Variants in RPL13A observed in about 807,000 individuals in gnomAD.
RPL13A encodes the protein ribosomal protein L13a.
Under a neutral mutation model 30.8 loss-of-function variants are expected in RPL13A, and 4 were observed. That is an observed-to-expected ratio of 0.13 (90% CI 0.06 to 0.30). The LOEUF (loss-of-function observed/expected upper bound fraction) is 0.30, where lower values mean the gene tolerates loss of function less well. Ranked by LOEUF, RPL13A falls within the 10% of genes least tolerant of loss-of-function variation. The pLI, the probability that RPL13A is intolerant of heterozygous loss-of-function variation, is 1.00. For missense variants in RPL13A, 196 were observed against 272.6 expected, an observed-to-expected ratio of 0.72 and a Z score of 1.98; for synonymous variants, 108 against 104.2, an observed-to-expected ratio of 1.04 and a Z score of -0.22.
intron 2 of RPL13A, 56 bp downstream of exon 2, chr19:49,489,978 A>G (rs1736450991): frequency 7.4e-7 from 1 of 1,348,882 alleles, no homozygotes; most frequent in Non-Finnish European, 1.1e-6. Context: ...GTCAGTGATG[A>G]GCAACATTCA....
At chr19:49,491,379 T>C in intron 6 of RPL13A, 46 bp from the exon 7 acceptor site, 1 of 1,384,464 alleles carries the variant, frequency 7.2e-7, no homozygotes, top group South Asian at 1.2e-5. Context: ...GGGGCTTAGA[T>C]ATCCTTACAA....
chr19:49,490,601 G>C, intron 4 of RPL13A, 25 bp downstream of exon 4: 1 of 1,611,168 alleles, frequency 6.2e-7, no homozygotes, highest in Non-Finnish European at 8.5e-7. Flanking sequence ...GGGACTGCAG[G>C]TGGTGACGGG....
chr19:49,487,774 T>C, intron 1 of RPL13A, 130 bp downstream of exon 1: 1 of 994,596 alleles, frequency 1.0e-6, no homozygotes, highest in Non-Finnish European at 1.4e-6. Flanking sequence ...GGAAGTCTTT[T>C]GGGATAAGGG....
chr19:49,488,942 C>T (rs1262715904), intron 1 of RPL13A, among the ~76,000 whole-genome samples: 1 of 151,576 alleles, frequency 6.6e-6, no homozygotes, highest in East Asian at 1.9e-4. Context: ...CTGACCTCAA[C>T]TGATCTGCCC....
Position 49,487,649 on chromosome 19 carries a change from G to T in RPL13A, c.15+5G>T. The T allele has an allele frequency of 6.4e-7, 1 of 1,555,472 alleles. No individual in the cohort carries two copies. The highest frequency in any genetic ancestry group is 2.4e-5 in the East Asian group (1 of 41,346). ...CCGAAGATGGCGGAGGTGCAGGTATGGGCTCCGCGCGGGCCGGGGCGGCAA... is the reference window on the plus strand; with the variant it reads ...CCGAAGATGGCGGAGGTGCAGGTATTGGCTCCGCGCGGGCCGGGGCGGCAA... On this transcript the variant is annotated splice_donor_5th_base_variant and intron_variant, in intron 1 of 7. Transcript: ENST00000391857.
rs2079854846 is a variant in RPL13A at position 49,490,521 on chromosome 19, C to T, written c.201C>T (p.Ser67=). The change falls in exon 4 of 8, where the codon TCC becomes TCT. Residue 67 remains serine, a synonymous_variant. Transcript: ENST00000391857. ...GCAAGCGGATGAACACCAACCCTTC[C>T]CGAGGCCCCTACCACTTCCGGGCCC... ...FLRKRMNTNP[S]RGPYHFRAPS... The T allele has an allele frequency of 1.2e-6, 2 of 1,614,174 alleles. No homozygotes were observed. The highest frequency in any genetic ancestry group is 1.3e-5 in the African/African-American group (1 of 75,064).
intron 1 of RPL13A, among the ~76,000 whole-genome samples, chr19:49,487,940 C>G (rs2079823210): frequency 6.6e-6 from 1 of 151,934 alleles, no homozygotes; most frequent in Non-Finnish European, 1.5e-5. Flanking sequence ...GGTGGGGGCC[C>G]TGGGGTAGAG....
chr19:49,488,638 C>G (rs1039930236), intron 1 of RPL13A, among the ~76,000 whole-genome samples: 1 of 152,234 alleles, frequency 6.6e-6, no homozygotes, highest in African/African-American at 2.4e-5. Context: ...TTTGTACCAA[C>G]GCTTACAAAG....
At position 49,490,765 on chromosome 19, in the gene RPL13A, C is replaced by CTT; in HGVS notation, c.257-13_257-12insTT. The CTT allele has an allele frequency of 6.2e-7, 1 of 1,614,062 alleles. No individual in the cohort carries two copies. Among genetic ancestry groups the CTT allele is most frequent in the Non-Finnish European group, 8.5e-7 (1 of 1,179,936 alleles). On this transcript the variant is annotated splice_polypyrimidine_tract_variant and intron_variant, in intron 4 of 7. Transcript: ENST00000391857. ...GAGGCCCTCTGACTGGGCCTGCTAT[C>CTT]TGTCACCCAACAGGTATGCTGCCCC...
intron 6 of RPL13A, 99 bp downstream of exon 6, chr19:49,491,198 G>A (rs372752448): frequency 1.4e-4 from 203 of 1,409,572 alleles, no homozygotes; most frequent in Admixed American, 2.2e-4. Flanking sequence ...CTTATCTCAC[G>A]ATGGTCTGCG....
rs756597121 is a variant in RPL13A, at chr19:49,491,412, C to A, written c.403-13C>A. On this transcript the variant is annotated splice_polypyrimidine_tract_variant and intron_variant, in intron 6 of 7. Coordinates refer to ENST00000391857, the MANE Select transcript of RPL13A (RefSeq NM_012423.4). ...CAACTTCATTTGTTCACCCCCCCCC[C>A]CCCCCCCCGCAGTTTGCCTATCTGG... 3.7e-5 allele frequency: 30 copies of A among 800,852 alleles called. No individual in the cohort carries two copies. In the Admixed American group the frequency reaches 4.4e-4, roughly 12 times the overall value. The allele number at this position is 800,852 out of a possible 1,614,324, so 49.6% of individuals were successfully genotyped here. A position where few individuals can be genotyped will look rare whatever the true frequency, so the allele number is the denominator to read the frequency against.
intron 1 of RPL13A, among the ~76,000 whole-genome samples, chr19:49,487,932 T>TG (rs1601157348): frequency 6.6e-6 from 1 of 151,690 alleles, no homozygotes; most frequent in Admixed American, 6.6e-5. Context: ...GGGTAGTGGG[T>TG]GGGGGCCCTG....
Position 49,492,144 on chromosome 19 carries a change from T to C in RPL13A, c.*329T>C, listed in dbSNP as rs757751691. 175 of 280,720 alleles carry C rather than the reference T, an allele frequency of 6.2e-4. No homozygotes were observed. The Middle Eastern group carries it at 9.5e-3, about 15-fold the overall frequency. 17.4% of individuals were successfully genotyped at this position (280,720 alleles called of 1,614,324 possible). A position where few individuals can be genotyped will look rare whatever the true frequency, so the allele number is the denominator to read the frequency against. On this transcript the variant is annotated 3_prime_UTR_variant, in exon 8 of 8. Transcript: ENST00000391857. ...TCCACCTGGTCATATACTCTGCAGC[T>C]GTTAGAATGTGCAAGCACTTGGGGA...
intron 4 of RPL13A, 54 bp downstream of exon 4, chr19:49,490,630 A>C (rs780092558): frequency 6.3e-6 from 10 of 1,590,258 alleles, no homozygotes; most frequent in Middle Eastern, 1.7e-4. Context: ...CGGTGATGAG[A>C]ACTTCTCCCA....
At chr19:49,491,120 C>T (rs754867971) in intron 6 of RPL13A, 21 bp downstream of exon 6, 5 of 1,613,808 alleles carry the variant, frequency 3.1e-6, no homozygotes, top group Non-Finnish European at 4.2e-6. Flanking sequence ...GCTTACGCTG[C>T]ACCATCTACT....
chr19:49,491,236 C>T (rs773927656), intron 6 of RPL13A, 137 bp downstream of exon 6: 2 of 1,235,946 alleles, frequency 1.6e-6, no homozygotes, highest in Non-Finnish European at 2.4e-6. Flanking sequence ...GGCGACAATG[C>T]CAATGGCTTA....
rs2079875507 is a variant in RPL13A at position 49,491,899 on chromosome 19, A to G, written c.*84A>G. ...GGAATGTACGGGACCCAGGGGCAGCAGCAGTCCAGGTGCCACAGGCAGCCC... is the reference window on the plus strand; with the variant it reads ...GGAATGTACGGGACCCAGGGGCAGCGGCAGTCCAGGTGCCACAGGCAGCCC... On this transcript the variant is annotated 3_prime_UTR_variant, in exon 8 of 8. Transcript: ENST00000391857. 4 of 1,121,662 alleles carry G rather than the reference A, an allele frequency of 3.6e-6. No individual in the cohort carries two copies. In the Admixed American group the frequency reaches 6.0e-5, roughly 17 times the overall value. The allele number at this position is 1,121,662 out of a possible 1,614,324, so 69.5% of individuals were successfully genotyped here. A position where few individuals can be genotyped will look rare whatever the true frequency, so the allele number is the denominator to read the frequency against.
rs1568687602 is a variant in RPL13A, at chr19:49,490,540, C to G, written c.220C>G (p.Arg74Gly). 5 of 1,614,022 alleles carry G rather than the reference C, an allele frequency of 3.1e-6. No homozygotes were observed. Among genetic ancestry groups the G allele is most frequent in the Admixed American group, 1.7e-5 (1 of 60,014 alleles). Residue 74 changes from arginine (R) to glycine (G), a missense_variant, in exon 4 of 8, where the codon CGG becomes GGG. Physicochemically the swap from Arg to Gly is moderately radical, Grantham distance 125 (BLOSUM62 -2). Coordinates refer to ENST00000391857, the MANE Select transcript of RPL13A (RefSeq NM_012423.4). ...TNPSRGPYHF[R>G]APSRIFWRTV... is the part of the protein sequence containing the mutation. ...CCCTTCCCGAGGCCCCTACCACTTCCGGGCCCCCAGCCGCATCTTCTGGCG... is the reference window on the plus strand; with the variant it reads ...CCCTTCCCGAGGCCCCTACCACTTCGGGGCCCCCAGCCGCATCTTCTGGCG...
intron 1 of RPL13A, 108 bp downstream of exon 1, chr19:49,487,752 A>C: frequency 8.7e-7 from 1 of 1,147,926 alleles, no homozygotes; most frequent in Non-Finnish European, 1.2e-6. Context: ...AACATCCATA[A>C]TGAAGCAAAA....
Sources: gnomAD v4.1 joint callset for allele counts (sites outside exome capture counted in the v4.1 genomes callset) on GRCh38, gnomAD v4.1.1 for gene constraint, MANE v1.5 for transcripts, NCBI Gene and HGNC (gene_info 2026-07-23, HGNC 2026-07-21) for gene names.